The following HTR2C variants were observed in gnomAD, a reference collection of about 807,000 sequenced individuals.
HTR2C encodes the protein 5-hydroxytryptamine receptor 2C.
HTR2C carries 5 observed loss-of-function variants against 21.0 expected under a neutral mutation model. That is an observed-to-expected ratio of 0.24 (90% CI 0.12 to 0.50). The LOEUF (loss-of-function observed/expected upper bound fraction) is 0.50. HTR2C is among the 20% of genes least tolerant of loss of function. The pLI is 0.98. For missense variants in HTR2C, 271 were observed against 371.2 expected, an observed-to-expected ratio of 0.73 and a Z score of 2.22; for synonymous variants, 150 against 145.3, an observed-to-expected ratio of 1.03 and a Z score of -0.23.
chrX:114,906,829 T>C lies in HTR2C; in HGVS notation c.791T>C (p.Leu264Pro), dbSNP rs2071377695. The C allele has an allele frequency of 1.7e-6, 2 of 1,210,495 alleles. No homozygotes were observed. Among genetic ancestry groups the C allele is most frequent in the Non-Finnish European group, 2.2e-6 (2 of 895,174 alleles). Residue 264 changes from leucine to proline, a missense_variant, in exon 6 of 6, where the codon CTG becomes CCG. Transcript: ENST00000276198. ...CCGCCTGGACTAAGTCTGGATTTCC[T>C]GAAGTGCTGCAAGAGGAATACGGCC... ...EEPPGLSLDF[L>P]KCCKRNTAEE...
chrX:114,615,797 T>A (rs2147807079), intron 2 of HTR2C, among the ~76,000 whole-genome samples: 1 of 112,009 alleles, frequency 8.9e-6, no homozygotes, highest in East Asian at 2.8e-4. Context: ...TGTGCACCCC[T>A]CTTTGTACAC....
At chrX:114,589,249 A>G (rs1385755402) in intron 1 of HTR2C, among the ~76,000 whole-genome samples, 1 of 112,034 alleles carries the variant, frequency 8.9e-6, no homozygotes, top group Non-Finnish European at 1.9e-5. Context: ...TTTCATCTAG[A>G]GATTCACCTA....
At chrX:114,687,826 T>G (rs913083554) in intron 2 of HTR2C, among the ~76,000 whole-genome samples, 6 of 111,670 alleles carry the variant, frequency 5.4e-5, no homozygotes, top group African/African-American at 2.0e-4. Context: ...TGGGCAACTT[T>G]TAATGTCTCA....
chrX:114,650,436 T>G (rs1225611400), intron 2 of HTR2C, among the ~76,000 whole-genome samples: 2 of 111,735 alleles, frequency 1.8e-5, no homozygotes, highest in African/African-American at 6.5e-5. Flanking sequence ...TTAGAAATCA[T>G]TTTGTCACAG....
At chrX:114,860,047 CT>C (rs1402880960) in intron 5 of HTR2C, among the ~76,000 whole-genome samples, 1 of 111,424 alleles carries the variant, frequency 9.0e-6, no homozygotes, top group African/African-American at 3.3e-5. Context: ...CATCATTTGA[CT>C]TTTATTGTCA....
intron 1 of HTR2C, among the ~76,000 whole-genome samples, chrX:114,604,698 C>T (rs1331971317): frequency 1.8e-5 from 2 of 110,751 alleles, no homozygotes; most frequent in Admixed American, 1.9e-4. Context: ...AGATGGGACA[C>T]GGCTTAGGAG....
At chrX:114,725,135 T>G (rs782701326) in intron 2 of HTR2C, among the ~76,000 whole-genome samples, 3 of 111,340 alleles carry the variant, frequency 2.7e-5, no homozygotes, top group African/African-American at 9.8e-5. Context: ...CCATTCTCCC[T>G]GTCACTTTCA....
intron 2 of HTR2C, among the ~76,000 whole-genome samples, chrX:114,618,930 C>T (rs1929050462): frequency 9.0e-6 from 1 of 110,624 alleles, no homozygotes; most frequent in South Asian, 3.8e-4. Flanking sequence ...TAAACTAATA[C>T]TAAAGTAATA....
intron 4 of HTR2C, among the ~76,000 whole-genome samples, chrX:114,846,239 C>T (rs982849905): frequency 9.0e-6 from 1 of 111,072 alleles, no homozygotes; most frequent in African/African-American, 3.3e-5. Flanking sequence ...TGAATTTCAC[C>T]GAACATTTCA....
At chrX:114,807,464 TATATATACCATATATATACATC>T (rs1556450891) in intron 4 of HTR2C, among the ~76,000 whole-genome samples, 3 of 100,376 alleles carry the variant, frequency 3.0e-5, no homozygotes, top group African/African-American at 7.1e-5. Flanking sequence ...ATACGCCATA[TATATATACCATATATATACATC>T]ATATATATAC....
chrX:114,741,440 C>T (rs1556425301), intron 4 of HTR2C, among the ~76,000 whole-genome samples: 3 of 97,438 alleles, frequency 3.1e-5, no homozygotes, highest in South Asian at 5.5e-4. Flanking sequence ...TGCTTGAACC[C>T]GAGAGGCGGA....
chrX:114,644,629 T>C (rs1414516919), intron 2 of HTR2C, among the ~76,000 whole-genome samples: 1 of 107,339 alleles, frequency 9.3e-6, no homozygotes, highest in Non-Finnish European at 1.9e-5. Flanking sequence ...CGAGTTGGCA[T>C]ATCACCTACT....
intron 2 of HTR2C, among the ~76,000 whole-genome samples, chrX:114,631,093 C>T (rs1161458679): frequency 9.0e-6 from 1 of 111,366 alleles, no homozygotes; most frequent in Non-Finnish European, 1.9e-5. Context: ...ATCACAAGGT[C>T]AAGAGATCAA....
intron 2 of HTR2C, among the ~76,000 whole-genome samples, chrX:114,697,042 T>A (rs1441320481): frequency 8.9e-6 from 1 of 112,007 alleles, no homozygotes; most frequent in Non-Finnish European, 1.9e-5. Context: ...AAGATTTTAA[T>A]TGCCTCAGTG....
intron 3 of HTR2C, among the ~76,000 whole-genome samples, chrX:114,727,685 C>G (rs1249502112): frequency 1.8e-5 from 2 of 111,824 alleles, no homozygotes; most frequent in Non-Finnish European, 3.8e-5. Flanking sequence ...CTCCTTGCTC[C>G]TAGGTAGTCT....
intron 4 of HTR2C, among the ~76,000 whole-genome samples, chrX:114,812,753 C>CA (rs55961441): frequency 1.2e-4 from 12 of 103,535 alleles, no homozygotes; most frequent in African/African-American, 4.6e-4. Flanking sequence ...AACAAACAAA[C>CA]AAAAAAAAAA....
intron 2 of HTR2C, among the ~76,000 whole-genome samples, chrX:114,622,100 G>C (rs1929188483): frequency 2.7e-5 from 3 of 111,787 alleles, no homozygotes; most frequent in South Asian, 7.4e-4. Flanking sequence ...CAAATTTATT[G>C]ATGAAATGGG....
At chrX:114,817,933 A>G (rs1480216000) in intron 4 of HTR2C, among the ~76,000 whole-genome samples, 1 of 112,017 alleles carries the variant, frequency 8.9e-6, no homozygotes, top group Non-Finnish European at 1.9e-5. Context: ...ATATAGATGA[A>G]ACAAATCCTG....
At chrX:114,764,488 A>G (rs1325644608) in intron 4 of HTR2C, among the ~76,000 whole-genome samples, 1 of 111,905 alleles carries the variant, frequency 8.9e-6, no homozygotes, top group East Asian at 2.8e-4. Flanking sequence ...CAAAATAAAT[A>G]AATAATGTAA....
Sources: gnomAD v4.1 joint callset for allele counts (sites outside exome capture counted in the v4.1 genomes callset) on GRCh38, gnomAD v4.1.1 for gene constraint, MANE v1.5 for transcripts, NCBI Gene and HGNC (gene_info 2026-07-23, HGNC 2026-07-21) for gene names.